The following STC1 variants were observed in gnomAD, a reference collection of about 807,000 sequenced individuals.
STC1 encodes the protein stanniocalcin 1, also known as stanniocalcin-1.
In STC1, 7 loss-of-function variants were observed where a neutral mutation model predicts 22.6. That is an observed-to-expected ratio of 0.31 (90% CI 0.18 to 0.58). STC1 has a LOEUF of 0.58. Among genes scored for constraint, STC1 ranks in the 20% least tolerant of loss-of-function variants. The pLI is 0.89. For synonymous variants in STC1, 113 were observed against 120.7 expected, an observed-to-expected ratio of 0.94 and a Z score of 0.42; for missense variants, 224 against 311.0, an observed-to-expected ratio of 0.72 and a Z score of 2.10.
Position 23,854,724 on chromosome 8 carries a change from G to T in STC1, c.-201C>A, listed in dbSNP as rs879028347. 9.0e-6 allele frequency: 6 copies of T among 666,680 alleles called. No homozygotes were observed. The highest frequency in any genetic ancestry group is 3.0e-5 in the South Asian group (2 of 66,602). The allele number at this position is 666,680 out of a possible 1,614,324, so 41.3% of individuals were successfully genotyped here. ...TGCCTCCGCTGCTGCTGCTGCTGCC[G>T]CCGCTGCTGCTGCTGCTGCCACCGC... On this transcript the variant is annotated 5_prime_UTR_variant, in exon 1 of 4. Coordinates refer to ENST00000290271, the MANE Select transcript of STC1 (RefSeq NM_003155.3).
In STC1 at chr8:23,842,591, T is replaced by C. The variant is rs1025638309; in HGVS notation, c.*2179A>G. The C allele has an allele frequency of 6.6e-6, 1 of 152,102 alleles. No homozygotes were observed. Among genetic ancestry groups the C allele is most frequent in the Non-Finnish European group, 1.5e-5 (1 of 67,982 alleles). The allele number at this position is 152,102 out of a possible 1,614,324, so 9.4% of individuals were successfully genotyped here. On this transcript the variant is annotated 3_prime_UTR_variant, in exon 4 of 4. Transcript: ENST00000290271. The stretch of plus-strand genomic sequence containing the variant: ...TGAACTACTTGTCGCATTGGGGTCC[T>C]GGCTTAGTTGGGTTTGCAAAATGGA...
chr8:23,854,263 T>C (rs1802671983), intron 1 of STC1, 143 bp downstream of exon 1: 1 of 942,872 alleles, frequency 1.1e-6, no homozygotes, highest in South Asian at 1.6e-5. Flanking sequence ...CCTAAGGCTA[T>C]TGGATTACAC....
Position 23,844,873 on chromosome 8 carries a change from C to T in STC1, c.641G>A (p.Arg214Lys), listed in dbSNP as rs1802553525. The T allele has an allele frequency of 1.9e-6, 3 of 1,614,078 alleles. No individual in the cohort carries two copies. Among genetic ancestry groups the T allele is most frequent in the South Asian group, 2.2e-5 (2 of 91,076 alleles). Residue 214 changes from arginine to lysine, a missense_variant, in exon 4 of 4, where the codon AGA (arginine) becomes AAA (lysine). Transcript: ENST00000290271. ...CAGCTTCTGCGGCTCATTGGTGCGT[C>T]TCCTGTTGAAGTCAGCTCGTGGGTG... The part of the protein sequence containing the change: ...QTHPRADFNR[R>K]RTNEPQKLKV...
At position 23,852,509 on chromosome 8, in the gene STC1, GA is replaced by G. The variant is rs1414093935; in HGVS notation, c.119-126del. 8 of 1,039,446 alleles carry G rather than the reference GA, an allele frequency of 7.7e-6. No individual in the cohort carries two copies. In the South Asian group the frequency reaches 8.1e-5, roughly 11 times the overall value. The allele number at this position is 1,039,446 out of a possible 1,614,324, so 64.4% of individuals were successfully genotyped here. On this transcript the variant is annotated intron_variant, in intron 1 of 3. Transcript: ENST00000290271. ...AGAACTTATCCTAGGAATCTGTCAT[GA>G]GGGGCAATTGATAGACCCATTTGAT...
Position 23,848,548 on chromosome 8 carries a change from A to G in STC1, c.473+2772T>C, listed in dbSNP as rs796570598. On this transcript the variant is annotated intron_variant, in intron 3 of 3. Coordinates refer to ENST00000290271, the MANE Select transcript of STC1 (RefSeq NM_003155.3). ...CTCTGTCAAAAAAAAAAAAAAAAAA[A>G]AAAAAAAAGAAGAAGAAGATTCCTT... Among the ~76,000 whole-genome samples the G allele has an allele frequency of 2.7e-5, 4 of 146,882 alleles. No individual in the cohort carries two copies. The East Asian group carries it at 7.8e-4, about 29-fold the overall frequency.
intron 3 of STC1, 55 bp from the exon 4 acceptor site, chr8:23,845,095 C>A (rs1305009334): frequency 6.3e-7 from 1 of 1,579,740 alleles, no homozygotes; most frequent in Non-Finnish European, 8.6e-7. Context: ...CCCGGCGAGA[C>A]CCAGGCTTTC....
chr8:23,850,394 G>C (rs546928903), intron 3 of STC1, among the ~76,000 whole-genome samples: 2 of 152,268 alleles, frequency 1.3e-5, no homozygotes, highest in African/African-American at 4.8e-5. Flanking sequence ...TCAAGGCTGG[G>C]AGTCAAGTTT....
At position 23,844,570 on chromosome 8, in the gene STC1, T is replaced by G; in HGVS notation, c.*200A>C. On this transcript the variant is annotated 3_prime_UTR_variant, in exon 4 of 4. Coordinates refer to ENST00000290271, the MANE Select transcript of STC1 (RefSeq NM_003155.3). ...GGAGAGGCAGAATGGTCACATGGAT[T>G]TTGTTGGTGGGAATGCTGCCATTGC... 3.2e-6 allele frequency: 2 copies of G among 628,588 alleles called. No homozygotes were observed. The highest frequency in any genetic ancestry group is 2.7e-6 in the Non-Finnish European group (1 of 371,796). The allele number at this position is 628,588 out of a possible 1,614,324, so 38.9% of individuals were successfully genotyped here. A position where few individuals can be genotyped will look rare whatever the true frequency, so the allele number is the denominator to read the frequency against.
At chr8:23,846,412 A>G (rs544663179) in intron 3 of STC1, among the ~76,000 whole-genome samples, 58 of 152,350 alleles carry the variant, frequency 3.8e-4, no homozygotes, top group South Asian at 1.4e-3. Flanking sequence ...ACTCAGTGAC[A>G]GTGACCTGCA....
chr8:23,851,241 C>G (rs1802634195), intron 3 of STC1, 79 bp downstream of exon 3: 1 of 1,392,214 alleles, frequency 7.2e-7, no homozygotes, highest in Admixed American at 1.7e-5. Context: ...GCAATTTAAC[C>G]CTCCCTCCCA....
At chr8:23,851,140 A>G (rs1802633162) in intron 3 of STC1, among the ~76,000 whole-genome samples, 180 bp downstream of exon 3, 1 of 152,102 alleles carries the variant, frequency 6.6e-6, no homozygotes, top group African/African-American at 2.4e-5. Context: ...AAAAAAGCCC[A>G]AGCTGCTTAA....
intron 1 of STC1, 92 bp from the exon 2 acceptor site, chr8:23,852,476 A>G (rs1802649854): frequency 2.9e-6 from 4 of 1,376,326 alleles, no homozygotes; most frequent in Non-Finnish European, 3.9e-6. Flanking sequence ...CAAGGACATG[A>G]GGTCAGAAGA....
Position 23,843,442 on chromosome 8 carries a change from T to C in STC1, c.*1328A>G, listed in dbSNP as rs1802538174. 1 of 152,580 alleles carries C rather than the reference T, an allele frequency of 6.6e-6. No individual in the cohort carries two copies. Among genetic ancestry groups the C allele is most frequent in the South Asian group, 2.1e-4 (1 of 4,832 alleles). 9.5% of individuals were successfully genotyped at this position (152,580 alleles called of 1,614,324 possible). Reference sequence around the variant, plus strand: ...CTGGACAGCCCAGGGTTATTTATACTCTCTCAGCCCCAAGTCCCCCGGACT... The same window carrying C: ...CTGGACAGCCCAGGGTTATTTATACCCTCTCAGCCCCAAGTCCCCCGGACT... On this transcript the variant is annotated 3_prime_UTR_variant, in exon 4 of 4. Coordinates refer to ENST00000290271, the MANE Select transcript of STC1 (RefSeq NM_003155.3).
Position 23,844,615 on chromosome 8 carries a change from T to C in STC1, c.*155A>G. ...CATTGCAGAATGTTGGGATATTGATTACAGAAGCCTAGTTTCATGCAATTT... is the reference window on the plus strand; with the variant it reads ...CATTGCAGAATGTTGGGATATTGATCACAGAAGCCTAGTTTCATGCAATTT... On this transcript the variant is annotated 3_prime_UTR_variant, in exon 4 of 4. Transcript: ENST00000290271. 1.2e-6 allele frequency: 1 copy of C among 820,918 alleles called. No individual in the cohort carries two copies. The highest frequency in any genetic ancestry group is 1.9e-5 in the South Asian group (1 of 53,200). The allele number at this position is 820,918 out of a possible 1,614,324, so 50.9% of individuals were successfully genotyped here. A position where few individuals can be genotyped will look rare whatever the true frequency, so the allele number is the denominator to read the frequency against.
chr8:23,851,367 A>T lies in STC1; in HGVS notation c.426T>A (p.Pro142=). ...GCTGGACGACCTCAGTGATGGCTTC[A>T]GGGTTCCGCTTGGCGATGCTGCACA... ...LNVCSIAKRN[P]EAITEVVQLP... The change falls in exon 3 of 4, where the codon CCT becomes CCA. Residue 142 remains proline (P), a synonymous_variant. Transcript: ENST00000290271. The T allele has an allele frequency of 1.9e-6, 3 of 1,614,154 alleles. No individual in the cohort carries two copies. The highest frequency in any genetic ancestry group is 2.5e-6 in the Non-Finnish European group (3 of 1,180,044).
chr8:23,853,574 A>G (rs2117746323), intron 1 of STC1, among the ~76,000 whole-genome samples: 1 of 152,294 alleles, frequency 6.6e-6, no homozygotes, highest in African/African-American at 2.4e-5. Context: ...GTCTTTGCTG[A>G]CAGTTGGAGG....
Position 23,851,430 on chromosome 8 carries a change from A to T in STC1, c.363T>A (p.Ile121=). 1 of 1,614,158 alleles carries T rather than the reference A, an allele frequency of 6.2e-7. No homozygotes were observed. The highest frequency in any genetic ancestry group is 8.5e-7 in the Non-Finnish European group (1 of 1,180,028). ...IRRCSTFQRM[I]AEVQEECYSK... is the part of the protein sequence containing the mutation. Reference sequence around the variant, plus strand: ...TGTAGCACTCTTCCTGCACCTCAGCAATCATCCTTTGGAAAGTGGAGCACC... The same window carrying T: ...TGTAGCACTCTTCCTGCACCTCAGCTATCATCCTTTGGAAAGTGGAGCACC... Residue 121 remains isoleucine (I), a synonymous_variant, in exon 3 of 4, where the codon ATT becomes ATA. Transcript: ENST00000290271.
At position 23,854,549 on chromosome 8, in the gene STC1, T is replaced by C. The variant is rs1398432228; in HGVS notation, c.-26A>G. 6.3e-7 allele frequency: 1 copy of C among 1,596,808 alleles called. No individual in the cohort carries two copies. The highest frequency in any genetic ancestry group is 1.7e-5 in the Admixed American group (1 of 59,082). On this transcript the variant is annotated 5_prime_UTR_variant, in exon 1 of 4. Coordinates refer to ENST00000290271, the MANE Select transcript of STC1 (RefSeq NM_003155.3). ...TCTCTGAGAAGTTTCCGCTAAGTTG[T>C]TGGGTTTTTTTTTTTTCCTGCCCCC... is the stretch of plus-strand genomic sequence containing the variant.
At chr8:23,847,207 A>T (rs989732090) in intron 3 of STC1, among the ~76,000 whole-genome samples, 2 of 152,244 alleles carry the variant, frequency 1.3e-5, no homozygotes, top group Non-Finnish European at 2.9e-5. Context: ...TGGACAAAGA[A>T]GTCTAGTACC....
Sources: gnomAD v4.1 joint callset for allele counts (sites outside exome capture counted in the v4.1 genomes callset) on GRCh38, gnomAD v4.1.1 for gene constraint, MANE v1.5 for transcripts, NCBI Gene and HGNC (gene_info 2026-07-23, HGNC 2026-07-21) for gene names.